The following NDRG3 variants were observed in gnomAD, a reference collection of about 807,000 sequenced individuals.
NDRG3 encodes protein NDRG3.
In NDRG3, 23 loss-of-function variants were observed where a neutral mutation model predicts 57.2. The observed-to-expected ratio is 0.40, with a 90% CI of 0.29 to 0.57. NDRG3 has a LOEUF of 0.57. NDRG3 is among the 20% of genes least tolerant of loss of function. NDRG3 has a pLI of 0.42. For missense variants in NDRG3, 384 were observed against 457.3 expected, an observed-to-expected ratio of 0.84 and a Z score of 1.46; for synonymous variants, 132 against 162.6, an observed-to-expected ratio of 0.81 and a Z score of 1.43.
intron 2 of NDRG3, among the ~76,000 whole-genome samples, chr20:36,714,660 CTG>C (rs975477496): frequency 3.3e-5 from 5 of 151,126 alleles, no homozygotes; most frequent in Non-Finnish European, 7.4e-5. Flanking sequence ...GTCGCCCAGG[CTG>C]GAGTGCAGTG....
chr20:36,663,132 A>G (rs1979345058), intron 12 of NDRG3, among the ~76,000 whole-genome samples: 2 of 152,200 alleles, frequency 1.3e-5, no homozygotes, highest in Admixed American at 6.5e-5. Context: ...TGGGGTCACC[A>G]CTATAACCTT....
At chr20:36,665,199 T>C in intron 11 of NDRG3, 37 bp downstream of exon 11, 15 of 1,608,358 alleles carry the variant, frequency 9.3e-6, no homozygotes, top group Non-Finnish European at 1.3e-5. Flanking sequence ...AATTAGTCTA[T>C]ATTTGGCAAG....
chr20:36,679,631 G>A (rs1016619023), intron 8 of NDRG3, among the ~76,000 whole-genome samples: 3 of 151,562 alleles, frequency 2.0e-5, no homozygotes, highest in African/African-American at 4.9e-5. Context: ...AGCCCCCCGA[G>A]TAGCTGGGAT....
At chr20:36,697,449 G>A (rs948822825) in intron 3 of NDRG3, among the ~76,000 whole-genome samples, 1 of 152,156 alleles carries the variant, frequency 6.6e-6, no homozygotes, top group African/African-American at 2.4e-5. Context: ...GCTCACACCT[G>A]TAATCCCAGC....
chr20:36,694,156 T>C (rs1172904020), intron 3 of NDRG3, among the ~76,000 whole-genome samples: 13 of 151,994 alleles, frequency 8.6e-5, no homozygotes, highest in Admixed American at 7.2e-4. Context: ...ACAGGAGGGG[T>C]TGGTCTTGCC....
intron 1 of NDRG3, among the ~76,000 whole-genome samples, chr20:36,730,161 C>T (rs180939739): frequency 1.5e-4 from 22 of 151,120 alleles, no homozygotes; most frequent in East Asian, 1.2e-3. Context: ...GCAGGAGACG[C>T]GCTTGAACCT....
Position 36,694,637 on chromosome 20 carries a change from T to C in NDRG3, c.94-5853A>G, listed in dbSNP as rs572038885. Among the ~76,000 whole-genome samples, 8 of 152,244 alleles carry C rather than the reference T, an allele frequency of 5.3e-5. No individual in the cohort carries two copies. The East Asian group carries it at 1.5e-3, about 29-fold the overall frequency. ...TTGGTCATATTCATAATCTCTGTAA[T>C]GATCCTTCATTGGCTCTGTTGTAAA... On this transcript the variant is annotated intron_variant, in intron 3 of 15. Transcript: ENST00000349004.
At chr20:36,701,413 C>T (rs1983213555) in intron 3 of NDRG3, among the ~76,000 whole-genome samples, 1 of 151,986 alleles carries the variant, frequency 6.6e-6, no homozygotes, top group Non-Finnish European at 1.5e-5. Flanking sequence ...GGCACGGTGG[C>T]ATGTGCCTGT....
chr20:36,671,279 T>C lies in NDRG3; in HGVS notation c.588+62A>G. The C allele has an allele frequency of 4.4e-6, 6 of 1,368,298 alleles. No individual in the cohort carries two copies. In the South Asian group the frequency reaches 6.0e-5, roughly 14 times the overall value. The allele number at this position is 1,368,298 out of a possible 1,614,324, so 84.8% of individuals were successfully genotyped here. A position where few individuals can be genotyped will look rare whatever the true frequency, so the allele number is the denominator to read the frequency against. Reference sequence around the variant, plus strand: ...CTAAGGCAGCCCTTCTTTCCTAAGGTAAAATAAGAATTTGCATGCAAGCCA... The same window carrying C: ...CTAAGGCAGCCCTTCTTTCCTAAGGCAAAATAAGAATTTGCATGCAAGCCA... On this transcript the variant is annotated intron_variant, in intron 9 of 15. Coordinates refer to ENST00000349004, the MANE Select transcript of NDRG3 (RefSeq NM_032013.4).
At chr20:36,724,101 G>C (rs994752444) in intron 1 of NDRG3, among the ~76,000 whole-genome samples, 1 of 152,124 alleles carries the variant, frequency 6.6e-6, no homozygotes, top group African/African-American at 2.4e-5. Flanking sequence ...ATGTGTTCCA[G>C]GCTACCTTTT....
chr20:36,708,856 T>C (rs1427070682), intron 2 of NDRG3, among the ~76,000 whole-genome samples: 3 of 151,806 alleles, frequency 2.0e-5, no homozygotes, highest in African/African-American at 7.2e-5. Flanking sequence ...CTGACCAACA[T>C]GGAGAAACCC....
rs1568641361 is a variant in NDRG3, at chr20:36,685,967, G to A, written c.321-1492C>T. Among the ~76,000 whole-genome samples the A allele has an allele frequency of 2.0e-5, 3 of 152,152 alleles. No homozygotes were observed. The South Asian group carries it at 6.2e-4, about 31-fold the overall frequency. ...TGAGGCTGCAGTAAGCCATGATCAC[G>A]CCACTGTACTCCAGCCTGGGAAACA... On this transcript the variant is annotated intron_variant, in intron 5 of 15. Coordinates refer to ENST00000349004, the MANE Select transcript of NDRG3 (RefSeq NM_032013.4).
chr20:36,710,166 A>C (rs1361964006), intron 2 of NDRG3, among the ~76,000 whole-genome samples: 1 of 151,184 alleles, frequency 6.6e-6, no homozygotes, highest in African/African-American at 2.4e-5. Context: ...TAAAAAATGC[A>C]AAAAAAAATT....
chr20:36,712,585 A>ATT (rs1273225549), intron 2 of NDRG3, among the ~76,000 whole-genome samples: 192 of 8,458 alleles, frequency 0.023, 4 homozygotes, highest in Non-Finnish European at 0.028. Flanking sequence ...ATATATATAT[A>ATT]TATTTTTTTT....
At chr20:36,706,838 C>T in intron 3 of NDRG3, 134 bp downstream of exon 3, 2 of 694,126 alleles carry the variant, frequency 2.9e-6, no homozygotes, top group Non-Finnish European at 4.8e-6. Context: ...GAACTTGATC[C>T]AATGACCAAA....
intron 3 of NDRG3, among the ~76,000 whole-genome samples, chr20:36,696,840 T>C (rs1982837474): frequency 6.6e-6 from 1 of 152,210 alleles, no homozygotes; most frequent in Non-Finnish European, 1.5e-5. Flanking sequence ...GATGTAATCC[T>C]TCCGGACTTT....
intron 12 of NDRG3, among the ~76,000 whole-genome samples, chr20:36,663,779 C>T (rs1979396607): frequency 1.3e-5 from 2 of 152,244 alleles, no homozygotes; most frequent in South Asian, 4.2e-4. Flanking sequence ...CAAAGATTTC[C>T]TAAGGATGTT....
intron 7 of NDRG3, among the ~76,000 whole-genome samples, chr20:36,681,329 TA>T (rs1378312881): frequency 2.0e-5 from 3 of 151,026 alleles, no homozygotes; most frequent in Non-Finnish European, 4.4e-5. Flanking sequence ...GAGGACGTAT[TA>T]AAAAAAAATA....
intron 9 of NDRG3, among the ~76,000 whole-genome samples, chr20:36,670,245 T>C (rs1242031367): frequency 6.6e-6 from 1 of 152,130 alleles, no homozygotes; most frequent in Non-Finnish European, 1.5e-5. Context: ...GAGGTGCACT[T>C]AGGATGTGTG....
Sources: allele counts gnomAD v4.1 joint callset (sites outside exome capture counted in the v4.1 genomes callset), GRCh38; gene constraint gnomAD v4.1.1; transcripts MANE v1.5; gene names NCBI Gene and HGNC (gene_info 2026-07-23, HGNC 2026-07-21).